The following NBEAL1 variants were observed in gnomAD, a reference collection of about 807,000 sequenced individuals.
NBEAL1 encodes neurobeachin like 1.
Under a neutral mutation model 351.3 loss-of-function variants are expected in NBEAL1, and 273 were observed. The observed-to-expected ratio is 0.78, with a 90% CI of 0.70 to 0.86. The LOEUF (loss-of-function observed/expected upper bound fraction) is 0.86. NBEAL1 is among the 40% of genes least tolerant of loss of function. NBEAL1 has a pLI of 0.00. For synonymous variants in NBEAL1, 1,050 were observed against 1,086.4 expected (o/e 0.97, Z 0.66); for missense variants, 2,961 against 3,201.3 (o/e 0.92, Z 1.81).
chr2:203,083,244 C>T lies in NBEAL1; in HGVS notation c.710C>T (p.Pro237Leu). The change falls in exon 9 of 56, where the codon CCA (proline) becomes CTA (leucine). Residue 237 changes from proline (P) to leucine (L), a missense_variant. By Grantham distance (98) the Pro-to-Leu change is moderately conservative (BLOSUM62 -3). Transcript: ENST00000683969. ...AGGAATGCTTTGCAAGCAATTTCTCCAGCCACTATGGAAGTTCTTATGCGA... is the reference window on the plus strand; with the variant it reads ...AGGAATGCTTTGCAAGCAATTTCTCTAGCCACTATGGAAGTTCTTATGCGA... ...GQRNALQAIS[P>L]ATMEVLMRVL... 1.3e-6 allele frequency: 2 copies of T among 1,551,278 alleles called. No homozygotes were observed. The highest frequency in any genetic ancestry group is 1.7e-6 in the Non-Finnish European group (2 of 1,146,712).
At chr2:203,174,871 A>AAATG (rs2064445786) in intron 41 of NBEAL1, among the ~76,000 whole-genome samples, 3 of 150,696 alleles carry the variant, frequency 2.0e-5, no homozygotes, top group African/African-American at 7.3e-5. Context: ...ATAAATAAAT[A>AAATG]AATAAATAAA....
intron 44 of NBEAL1, among the ~76,000 whole-genome samples, chr2:203,186,695 G>A (rs1021604346): frequency 6.6e-6 from 1 of 152,136 alleles, no homozygotes; most frequent in African/African-American, 2.4e-5. Context: ...TAACCACAGT[G>A]AATTGAAGGC....
chr2:203,194,285 T>A (rs1472342675), intron 47 of NBEAL1, among the ~76,000 whole-genome samples: 1 of 152,210 alleles, frequency 6.6e-6, no homozygotes, highest in East Asian at 1.9e-4. Flanking sequence ...AGTCCATTGT[T>A]AATTGATAGA....
intron 55 of NBEAL1, among the ~76,000 whole-genome samples, chr2:203,216,093 T>C (rs2065891969): frequency 6.6e-6 from 1 of 151,982 alleles, no homozygotes; most frequent in African/African-American, 2.4e-5. Context: ...CCATAGGGGA[T>C]TTTTGCCCCA....
intron 43 of NBEAL1, chr2:203,181,431 T>C (rs934227621): frequency 6.6e-6 from 1 of 152,174 alleles, no homozygotes; most frequent in Non-Finnish European, 1.5e-5. Context: ...TACTGTAATA[T>C]TTGAAAATTT....
chr2:203,070,654 G>A (rs1418841048), intron 7 of NBEAL1, among the ~76,000 whole-genome samples: 1 of 152,168 alleles, frequency 6.6e-6, no homozygotes, highest in Non-Finnish European at 1.5e-5. Context: ...CTGCTTCTGG[G>A]GAAGCCTCAG....
At chr2:203,199,534 T>C in intron 49 of NBEAL1, 87 bp downstream of exon 49, 3 of 650,562 alleles carry the variant, frequency 4.6e-6, no homozygotes, top group Non-Finnish European at 7.8e-6. Flanking sequence ...TCATTTATTC[T>C]GAAAGAAATA....
intron 42 of NBEAL1, among the ~76,000 whole-genome samples, chr2:203,177,673 T>A (rs2064552364): frequency 6.6e-6 from 1 of 152,084 alleles, no homozygotes; most frequent in African/African-American, 2.4e-5. Context: ...CCAGTGGGAA[T>A]GTAAAATGGT....
In NBEAL1 at chr2:203,056,433, A is replaced by G. The variant is rs1201400302; in HGVS notation, c.312A>G (p.Leu104=). Residue 104 remains leucine (L), a synonymous_variant, in exon 5 of 56, where the codon CTA becomes CTG. Coordinates refer to ENST00000683969, the MANE Select transcript of NBEAL1 (RefSeq NM_001378026.1). The part of the protein sequence containing the change: ...VKFFIILCRN[L]SNVEEIGTCS... The stretch of plus-strand genomic sequence containing the variant: ...AAGTCTCTTTTTCTCACAGAAATCT[A>G]TCAAATGTGGAAGAAATTGGGACTT... 3 of 1,533,738 alleles carry G rather than the reference A, an allele frequency of 2.0e-6. No individual in the cohort carries two copies. Among genetic ancestry groups the G allele is most frequent in the South Asian group, 1.2e-5 (1 of 83,764 alleles).
chr2:203,073,694 T>C (rs1253776096), intron 7 of NBEAL1, among the ~76,000 whole-genome samples: 1 of 152,190 alleles, frequency 6.6e-6, no homozygotes, highest in Non-Finnish European at 1.5e-5. Flanking sequence ...AGCTTTTGAT[T>C]TCATTGATTT....
chr2:203,166,096 T>C, intron 36 of NBEAL1, 53 bp from the exon 37 acceptor site: 2 of 1,447,138 alleles, frequency 1.4e-6, no homozygotes, highest in Non-Finnish European at 1.8e-6. Context: ...CTTTTCTATT[T>C]AAGAAAAATA....
intron 48 of NBEAL1, among the ~76,000 whole-genome samples, chr2:203,197,659 G>A (rs1336717888): frequency 6.6e-6 from 1 of 152,126 alleles, no homozygotes; most frequent in Non-Finnish European, 1.5e-5. Flanking sequence ...CGTAATCCCA[G>A]CACTTTGGGA....
intron 51 of NBEAL1, among the ~76,000 whole-genome samples, chr2:203,206,512 C>T (rs1258703730): frequency 4.6e-5 from 7 of 152,156 alleles, no homozygotes. Flanking sequence ...CTGCAACCTC[C>T]CTGCCTGATT....
intron 31 of NBEAL1, among the ~76,000 whole-genome samples, chr2:203,144,030 T>A (rs2063446886): frequency 6.6e-6 from 1 of 151,744 alleles, no homozygotes; most frequent in Non-Finnish European, 1.5e-5. Context: ...GCCAACATAG[T>A]GAAACCCTGT....
chr2:203,120,334 A>AG (rs1170196958), intron 18 of NBEAL1, among the ~76,000 whole-genome samples: 15 of 152,234 alleles, frequency 9.9e-5, no homozygotes, highest in Admixed American at 9.8e-4. Flanking sequence ...TCCTGGAGTT[A>AG]GAACCCAGCC....
chr2:203,125,892 G>T, intron 20 of NBEAL1, 68 bp from the exon 21 acceptor site: 2 of 1,297,252 alleles, frequency 1.5e-6, no homozygotes, highest in Non-Finnish European at 2.1e-6. Flanking sequence ...TGTGCATTAA[G>T]ATATAGAAAA....
At chr2:203,020,629 C>T (rs1349675199) in intron 2 of NBEAL1, among the ~76,000 whole-genome samples, 2 of 151,238 alleles carry the variant, frequency 1.3e-5, no homozygotes, top group Non-Finnish European at 2.9e-5. Context: ...CGAGATTACG[C>T]CATTGCCTTC....
rs1441256418 is a variant in NBEAL1 at position 203,126,843 on chromosome 2, A to G, written c.3165A>G (p.Ser1055=). Residue 1055 remains serine (S), a synonymous_variant, in exon 23 of 56, where the codon TCA becomes TCG. Transcript: ENST00000683969. ...TTTTAGGTCACATACAGTATCTTTC[A>G]ACCATCATTAAAGACAGCAGGAGAG... The part of the protein sequence containing the change: ...PFRIGHIQYL[S]TIIKDSRRVF... 6.4e-7 allele frequency: 1 copy of G among 1,552,316 alleles called. No individual in the cohort carries two copies. Among genetic ancestry groups the G allele is most frequent in the East Asian group, 2.4e-5 (1 of 41,254 alleles).
chr2:203,138,336 A>C (rs1239581547), intron 30 of NBEAL1, 21 bp downstream of exon 30: 2 of 1,588,428 alleles, frequency 1.3e-6, no homozygotes, highest in South Asian at 2.3e-5. Context: ...ATCTCTTTAA[A>C]ATTATATTTT....
Sources: gnomAD v4.1 joint callset for allele counts (sites outside exome capture counted in the v4.1 genomes callset) on GRCh38, gnomAD v4.1.1 for gene constraint, MANE v1.5 for transcripts, NCBI Gene and HGNC (gene_info 2026-07-23, HGNC 2026-07-21) for gene names.